Variants in NOTCH2NLC observed in about 807,000 individuals in gnomAD.
The protein encoded by NOTCH2NLC is notch 2 N-terminal like C.
Under a neutral mutation model 17.7 loss-of-function variants are expected in NOTCH2NLC, and 4 were observed. The ratio of observed to expected loss-of-function variants is 0.23; its 90% CI spans 0.11 to 0.52. The LOEUF is 0.52. Ranked by LOEUF, NOTCH2NLC falls within the 20% of genes least tolerant of loss-of-function variation. NOTCH2NLC has a pLI of 0.96. For missense variants in NOTCH2NLC, 57 were observed against 207.2 expected (o/e 0.28, Z 4.45); for synonymous variants, 18 against 86.0 (o/e 0.21, Z 4.38).
intron 1 of NOTCH2NLC, among the ~76,000 whole-genome samples, chr1:149,417,196 G>T (rs1244211628): frequency 1.6e-5 from 2 of 124,102 alleles, no homozygotes; most frequent in Non-Finnish European, 3.2e-5. Flanking sequence ...TGCAAGCTCC[G>T]CCTCCCGGGT....
intron 1 of NOTCH2NLC, among the ~76,000 whole-genome samples, chr1:149,425,368 G>A (rs1172120498): frequency 1.3e-5 from 2 of 150,818 alleles, no homozygotes; most frequent in Non-Finnish European, 3.0e-5. Flanking sequence ...AGATAGTAAT[G>A]AGGAAGGCAG....
intron 1 of NOTCH2NLC, among the ~76,000 whole-genome samples, chr1:149,415,898 TTTATTTATAGGGTATA>T (rs1419038980): frequency 1.3e-5 from 2 of 150,650 alleles, no homozygotes; most frequent in Non-Finnish European, 3.0e-5. Context: ...ATTTTGATAA[TTTATTTATAGGGTATA>T]TTATTTATTA....
chr1:149,395,880 T>C (rs1220339235), intron 1 of NOTCH2NLC, among the ~76,000 whole-genome samples: 23 of 148,694 alleles, frequency 1.5e-4, no homozygotes, highest in Non-Finnish European at 7.5e-5. Flanking sequence ...AGGTGAAATA[T>C]GATGAATAAA....
rs2084703966 is a variant in NOTCH2NLC at position 149,469,335 on chromosome 1, TG to T, written c.*5187del. On this transcript the variant is annotated 3_prime_UTR_variant, in exon 5 of 5. Coordinates refer to ENST00000650865, the MANE Select transcript of NOTCH2NLC (RefSeq NM_001364013.2). ...GTTTGCTTTTGTGACAGACTTCTTC[TG>T]GGGGAAAAAAAGTATCCTTCTATCT... Among the ~76,000 whole-genome samples the T allele has an allele frequency of 1.8e-5, 1 of 56,842 alleles. No homozygotes were observed. Among genetic ancestry groups the T allele is most frequent in the Non-Finnish European group, 3.4e-5 (1 of 29,006 alleles). The allele number at this position is 56,842 out of a possible 152,430, so 37.3% of individuals were successfully genotyped here.
Position 149,464,840 on chromosome 1 carries a change from C to G in NOTCH2NLC, c.*687C>G. The G allele has an allele frequency of 6.6e-6, 1 of 151,078 alleles. No homozygotes were observed. The highest frequency in any genetic ancestry group is 1.5e-5 in the Non-Finnish European group (1 of 67,552). The allele number at this position is 151,078 out of a possible 1,614,324, so 9.4% of individuals were successfully genotyped here. A position where few individuals can be genotyped will look rare whatever the true frequency, so the allele number is the denominator to read the frequency against. On this transcript the variant is annotated 3_prime_UTR_variant, in exon 5 of 5. Coordinates refer to ENST00000650865, the MANE Select transcript of NOTCH2NLC (RefSeq NM_001364013.2). ...CCTCCAAAAGAAGTTGTTCTAGTTACTCTTTCAGAGTGGGAATCTTAGATT... is the reference window on the plus strand; with the variant it reads ...CCTCCAAAAGAAGTTGTTCTAGTTAGTCTTTCAGAGTGGGAATCTTAGATT...
intron 1 of NOTCH2NLC, among the ~76,000 whole-genome samples, chr1:149,412,186 C>G (rs1472632195): frequency 1.3e-5 from 2 of 149,154 alleles, no homozygotes; most frequent in African/African-American, 4.9e-5. Flanking sequence ...AAGCCACATT[C>G]TTTACTGCAT....
At chr1:149,461,732 C>A (rs2084651112) in intron 3 of NOTCH2NLC, among the ~76,000 whole-genome samples, 2 of 151,312 alleles carry the variant, frequency 1.3e-5, no homozygotes, top group Non-Finnish European at 3.0e-5. Context: ...GGAACCAACC[C>A]AAATGTCCAT....
rs2084151870 is a variant in NOTCH2NLC at position 149,390,642 on chromosome 1, A to C, written c.-146A>C. On this transcript the variant is annotated 5_prime_UTR_variant, in exon 1 of 5. Transcript: ENST00000650865. ...TCAGCCAAACTTCGGGCGGCGGCTG[A>C]GGCGGCGGCCGAGGAGCGGCGGACT... 8.6e-7 allele frequency: 1 copy of C among 1,167,760 alleles called. No homozygotes were observed. Among genetic ancestry groups the C allele is most frequent in the Non-Finnish European group, 1.1e-6 (1 of 932,756 alleles). The allele number at this position is 1,167,760 out of a possible 1,614,324, so 72.3% of individuals were successfully genotyped here.
intron 1 of NOTCH2NLC, among the ~76,000 whole-genome samples, chr1:149,417,538 T>C (rs2084343266): frequency 6.6e-6 from 1 of 151,378 alleles, no homozygotes; most frequent in Admixed American, 6.6e-5. Context: ...GGCAAGGCCC[T>C]TATTTCTTTG....
chr1:149,460,433 GGTTCAC>G (rs2084636318), intron 3 of NOTCH2NLC, among the ~76,000 whole-genome samples: 8 of 145,734 alleles, frequency 5.5e-5, no homozygotes, highest in African/African-American at 2.0e-4. Context: ...CCACCTCCCG[GGTTCAC>G]GCCATTCTTC....
At chr1:149,433,783 C>T (rs2084466853) in intron 2 of NOTCH2NLC, among the ~76,000 whole-genome samples, 2 of 150,158 alleles carry the variant, frequency 1.3e-5, no homozygotes, top group African/African-American at 4.9e-5. Flanking sequence ...CCCATCTCTA[C>T]TAAAAATGCA....
chr1:149,461,077 GGTAT>G (rs1354371332), intron 3 of NOTCH2NLC, among the ~76,000 whole-genome samples: 1 of 149,794 alleles, frequency 6.7e-6, no homozygotes, highest in Non-Finnish European at 1.5e-5. Flanking sequence ...TGGGATTACA[GGTAT>G]GTGCTATGAA....
intron 1 of NOTCH2NLC, among the ~76,000 whole-genome samples, chr1:149,398,749 T>C (rs1324854212): frequency 1.3e-5 from 2 of 151,070 alleles, no homozygotes; most frequent in Admixed American, 6.6e-5. Flanking sequence ...TTTCTTTCCA[T>C]TGGACTGAAG....
chr1:149,461,197 A>T (rs1477863656), intron 3 of NOTCH2NLC, among the ~76,000 whole-genome samples: 1 of 149,742 alleles, frequency 6.7e-6, no homozygotes, highest in African/African-American at 2.5e-5. Context: ...AGCCTCCCAA[A>T]GTGCTGGGAT....
At chr1:149,432,691 T>TCTTA (rs1169073652) in intron 2 of NOTCH2NLC, among the ~76,000 whole-genome samples, 1 of 150,090 alleles carries the variant, frequency 6.7e-6, no homozygotes, top group Non-Finnish European at 1.5e-5. Context: ...GAATGTGAGG[T>TCTTA]CTTAGTCTTA....
chr1:149,461,883 C>CA lies in NOTCH2NLC; in HGVS notation c.470-1602dup, dbSNP rs1334967646. Among the ~76,000 whole-genome samples, 6 of 141,268 alleles carry CA rather than the reference C, an allele frequency of 4.2e-5. 1 individual carries two copies. The highest frequency in any genetic ancestry group is 7.7e-5 in the Non-Finnish European group (5 of 64,524). The allele number at this position is 141,268 out of a possible 152,430, so 92.7% of individuals were successfully genotyped here. A position where few individuals can be genotyped will look rare whatever the true frequency, so the allele number is the denominator to read the frequency against. The stretch of plus-strand genomic sequence containing the variant: ...CATTCTCAGCAAACTATTGCAAGGA[C>CA]AAAAAACCAAACACCGCATGTTCTC... On this transcript the variant is annotated intron_variant, in intron 3 of 4. Transcript: ENST00000650865.
intron 1 of NOTCH2NLC, among the ~76,000 whole-genome samples, chr1:149,423,372 T>C (rs1178364898): frequency 6.6e-6 from 1 of 150,824 alleles, no homozygotes; most frequent in African/African-American, 2.4e-5. Context: ...TTTGTTTGGA[T>C]TTTTTTTTCA....
chr1:149,419,619 A>G (rs1170011012), intron 1 of NOTCH2NLC, among the ~76,000 whole-genome samples: 1 of 148,854 alleles, frequency 6.7e-6, no homozygotes, highest in Non-Finnish European at 1.5e-5. Context: ...TAAAGAAAGA[A>G]TATGAGTAAT....
rs1486663656 is a variant in NOTCH2NLC at position 149,471,239 on chromosome 1, T to C, written c.*7086T>C. 4.6e-5 allele frequency among the ~76,000 whole-genome samples: 7 copies of C among 151,358 alleles called. No homozygotes were observed. The highest frequency in any genetic ancestry group is 8.9e-5 in the Non-Finnish European group (6 of 67,686). ...TAAATACAAGTCTCTTATCAGATAA[T>C]ATGACTTGCAGATATTTTCTGTCAT... On this transcript the variant is annotated 3_prime_UTR_variant, in exon 5 of 5. Coordinates refer to ENST00000650865, the MANE Select transcript of NOTCH2NLC (RefSeq NM_001364013.2).
Sources: allele counts gnomAD v4.1 joint callset (sites outside exome capture counted in the v4.1 genomes callset), GRCh38; gene constraint gnomAD v4.1.1; transcripts MANE v1.5; gene names NCBI Gene and HGNC (gene_info 2026-07-23, HGNC 2026-07-21).